SYT14: variants seen among roughly 807,000 people sequenced by gnomAD.
SYT14 encodes the protein synaptotagmin 14.
Under a neutral mutation model 74.2 loss-of-function variants are expected in SYT14, and 32 were observed. That is an observed-to-expected ratio of 0.43 (90% CI 0.33 to 0.58). SYT14 has a LOEUF of 0.58. SYT14 is among the 20% of genes least tolerant of loss of function. The pLI is 0.05. For missense variants in SYT14, 791 were observed against 981.8 expected (o/e 0.81, Z 2.60); for synonymous variants, 298 against 337.7 (o/e 0.88, Z 1.29).
intron 5 of SYT14, among the ~76,000 whole-genome samples, chr1:210,035,595 C>T (rs1558144694): frequency 6.6e-6 from 1 of 151,534 alleles, no homozygotes; most frequent in Non-Finnish European, 1.5e-5. Context: ...TTTTTTATGT[C>T]ATGAGGGATA....
chr1:209,956,404 G>C (rs1424141358), intron 2 of SYT14, among the ~76,000 whole-genome samples: 1 of 152,104 alleles, frequency 6.6e-6, no homozygotes, highest in Non-Finnish European at 1.5e-5. Flanking sequence ...CTCCTAGCTT[G>C]TGGCTCTGGC....
chr1:210,011,290 A>G (rs904976577), intron 2 of SYT14, among the ~76,000 whole-genome samples: 2 of 152,148 alleles, frequency 1.3e-5, no homozygotes, highest in Non-Finnish European at 2.9e-5. Flanking sequence ...TTTTTACTCC[A>G]TATCTCAGGC....
chr1:210,142,740 C>G (rs537597636), intron 7 of SYT14, among the ~76,000 whole-genome samples: 1 of 152,072 alleles, frequency 6.6e-6, no homozygotes, highest in African/African-American at 2.4e-5. Flanking sequence ...CTCTCCTGTG[C>G]CTGCTCTCTG....
intron 7 of SYT14, among the ~76,000 whole-genome samples, chr1:210,123,411 A>C (rs2082506494): frequency 6.6e-6 from 1 of 152,228 alleles, no homozygotes; most frequent in Non-Finnish European, 1.5e-5. Flanking sequence ...ATCTGATCAC[A>C]CACCCATGAA....
chr1:209,990,539 GTATATATATGTATATATATACGTA>G lies in SYT14; in HGVS notation c.-485-23086_-485-23063del, dbSNP rs1375620689. ...GAATATTTCACATATATATATATACGTATATATATGTATATATATACGTATATATATGTATGTATATTTCTTGTT... is the reference window on the plus strand; with the variant it reads ...GAATATTTCACATATATATATATACGTATATATGTATGTATATTTCTTGTT... On this transcript the variant is annotated intron_variant, in intron 2 of 9. Transcript: ENST00000637265. Among the ~76,000 whole-genome samples, 13 of 24,728 alleles carry G rather than the reference GTATATATATGTATATATATACGTA, an allele frequency of 5.3e-4. No individual in the cohort carries two copies. The South Asian group carries it at 0.014, about 26-fold the overall frequency. 16.2% of individuals were successfully genotyped at this position (24,728 alleles called of 152,430 possible).
At chr1:209,979,072 G>C (rs1386177120) in intron 2 of SYT14, among the ~76,000 whole-genome samples, 1 of 152,174 alleles carries the variant, frequency 6.6e-6, no homozygotes, top group East Asian at 1.9e-4. Context: ...TATTAGGGTG[G>C]GAGTGACCCA....
chr1:210,108,628 TAA>T (rs34608102), intron 7 of SYT14, among the ~76,000 whole-genome samples: 5 of 144,854 alleles, frequency 3.5e-5, no homozygotes, highest in East Asian at 4.0e-4. Flanking sequence ...ATGATTTGAT[TAA>T]AAAAAAAAAG....
At chr1:210,057,345 C>T (rs2081118795) in intron 5 of SYT14, among the ~76,000 whole-genome samples, 1 of 152,188 alleles carries the variant, frequency 6.6e-6, no homozygotes. Flanking sequence ...CAGTTTGAAA[C>T]ATTGAACCCT....
chr1:210,028,759 T>C (rs1232110274), intron 5 of SYT14, among the ~76,000 whole-genome samples: 3 of 152,182 alleles, frequency 2.0e-5, no homozygotes, highest in African/African-American at 4.8e-5. Flanking sequence ...TCTTTGAAAC[T>C]CTTCTTTCAG....
intron 2 of SYT14, among the ~76,000 whole-genome samples, chr1:210,012,855 C>T (rs1201536761): frequency 6.6e-6 from 1 of 151,892 alleles, no homozygotes; most frequent in Non-Finnish European, 1.5e-5. Flanking sequence ...GTGCCCGCCA[C>T]TACACCTGGG....
At chr1:210,097,502 T>A (rs12035922) in intron 6 of SYT14, among the ~76,000 whole-genome samples, 3,682 of 152,136 alleles carry the variant, frequency 0.024, 62 homozygotes, top group Non-Finnish European at 0.033. Flanking sequence ...TCATAAGAGT[T>A]GTTGGAATTT....
At chr1:210,003,170 A>G (rs1558122684) in intron 2 of SYT14, among the ~76,000 whole-genome samples, 1 of 152,212 alleles carries the variant, frequency 6.6e-6, no homozygotes, top group Non-Finnish European at 1.5e-5. Flanking sequence ...CATTCAAAAC[A>G]TGATCCCTCA....
At chr1:210,014,643 A>G (rs1394110517) in intron 3 of SYT14, among the ~76,000 whole-genome samples, 1 of 152,098 alleles carries the variant, frequency 6.6e-6, no homozygotes, top group Admixed American at 6.5e-5. Context: ...TAGCCCCATT[A>G]CTTATAAGAC....
intron 7 of SYT14, among the ~76,000 whole-genome samples, chr1:210,107,533 G>A (rs578067828): frequency 1.3e-5 from 2 of 152,148 alleles, no homozygotes; most frequent in East Asian, 3.9e-4. Context: ...TTTTTAACTG[G>A]AAGGCAGACA....
intron 7 of SYT14, among the ~76,000 whole-genome samples, chr1:210,114,612 GT>G (rs955847912): frequency 9.3e-5 from 14 of 151,304 alleles, no homozygotes; most frequent in African/African-American, 2.7e-4. Flanking sequence ...ACTGGGCTGA[GT>G]TTTTATATTT....
At chr1:210,150,605 T>C (rs968664352) in intron 7 of SYT14, among the ~76,000 whole-genome samples, 8 of 152,202 alleles carry the variant, frequency 5.3e-5, no homozygotes. Context: ...TCCCTTGTTT[T>C]AACTTCAGCA....
At position 210,016,697 on chromosome 1, in the gene SYT14, CA is replaced by C; in HGVS notation, c.695del (p.His232LeufsTer23). The C allele has an allele frequency of 8.1e-7, 1 of 1,231,752 alleles. No individual in the cohort carries two copies. The highest frequency in any genetic ancestry group is 1.0e-6 in the Non-Finnish European group (1 of 987,804). 76.3% of individuals were successfully genotyped at this position (1,231,752 alleles called of 1,614,324 possible). ...AAAGGAGGAATATTCTAAATCTCGA[CA>C]TGTATATTTGGGAAGAGATCAAGAG... On this transcript the variant is annotated frameshift_variant, in exon 4 of 10. Transcript: ENST00000637265. LOFTEE classifies it high-confidence loss of function.
exon 10 of SYT14, chr1:210,169,499 A>G (rs1371487440): frequency 6.6e-6 from 1 of 151,918 alleles, no homozygotes; most frequent in African/African-American, 2.4e-5. Flanking sequence ...TTGATGTTAT[A>G]AATATTACTT....
intron 7 of SYT14, among the ~76,000 whole-genome samples, chr1:210,116,315 C>A (rs1229637615): frequency 2.0e-5 from 3 of 152,012 alleles, no homozygotes; most frequent in Non-Finnish European, 2.9e-5. Flanking sequence ...TGCAGCTAAT[C>A]TTATATTATT....
Sources: gnomAD v4.1 joint callset for allele counts (sites outside exome capture counted in the v4.1 genomes callset) on GRCh38, gnomAD v4.1.1 for gene constraint, MANE v1.5 for transcripts, NCBI Gene and HGNC (gene_info 2026-07-23, HGNC 2026-07-21) for gene names.